The following MED12L variants were observed in gnomAD, a reference collection of about 807,000 sequenced individuals.
The protein encoded by MED12L is mediator complex subunit 12L, also known as mediator of RNA polymerase II transcription subunit 12-like protein.
A neutral mutation model predicts 281.3 loss-of-function variants in MED12L; 60 were observed. The ratio of observed to expected loss-of-function variants is 0.21; its 90% CI spans 0.17 to 0.26. MED12L has a LOEUF of 0.26. MED12L is among the 10% of genes least tolerant of loss of function. The probability of loss-of-function intolerance (pLI) is 1.00; values close to 1 mark genes in which losing one functional copy is unlikely to be tolerated. For missense variants in MED12L, 2,146 were observed against 2,680.9 expected (o/e 0.80, Z 4.41); for synonymous variants, 974 against 987.2 (o/e 0.99, Z 0.25).
intron 16 of MED12L, chr3:151,199,245 A>C: frequency 6.2e-7 from 1 of 1,614,028 alleles, no homozygotes; most frequent in Non-Finnish European, 8.5e-7. Flanking sequence ...ATGCTCACAC[A>C]CCTGTGATTC....
chr3:151,351,681 AG>A (rs1313766031), intron 17 of MED12L, among the ~76,000 whole-genome samples: 1 of 152,188 alleles, frequency 6.6e-6, no homozygotes. Flanking sequence ...GCAATGGGGT[AG>A]GGGGGAGTCA....
chr3:151,346,482 T>G (rs1421855567), intron 16 of MED12L, among the ~76,000 whole-genome samples: 1 of 152,198 alleles, frequency 6.6e-6, no homozygotes, highest in Non-Finnish European at 1.5e-5. Flanking sequence ...TTCTTAGCTT[T>G]GTGCCCTGCC....
At chr3:151,403,938 CA>C (rs1477532403) in intron 39 of MED12L, among the ~76,000 whole-genome samples, 2 of 151,984 alleles carry the variant, frequency 1.3e-5, no homozygotes, top group Non-Finnish European at 2.9e-5. Context: ...TTATGGTATT[CA>C]GGGGGCAGGT....
At chr3:151,342,747 T>A (rs1023682470) in intron 16 of MED12L, among the ~76,000 whole-genome samples, 1 of 152,236 alleles carries the variant, frequency 6.6e-6, no homozygotes, top group Non-Finnish European at 1.5e-5. Context: ...TTGTTATTTT[T>A]AAATATGACT....
At chr3:151,299,472 C>T (rs1384203365) in intron 16 of MED12L, among the ~76,000 whole-genome samples, 1 of 137,844 alleles carries the variant, frequency 7.3e-6, no homozygotes, top group Non-Finnish European at 1.5e-5. Context: ...CTCTCTCCCT[C>T]TCTTCCTTTC....
chr3:151,202,562 C>T (rs970359769), intron 16 of MED12L, among the ~76,000 whole-genome samples: 6 of 151,954 alleles, frequency 3.9e-5, no homozygotes, highest in Admixed American at 2.0e-4. Context: ...CCCAGCTACT[C>T]GGGAGGCTGA....
Position 151,372,734 on chromosome 3 carries a change from G to A in MED12L, c.3832G>A (p.Ala1278Thr). The A allele has an allele frequency of 6.2e-7, 1 of 1,613,708 alleles. No individual in the cohort carries two copies. The highest frequency in any genetic ancestry group is 8.5e-7 in the Non-Finnish European group (1 of 1,179,712). The change falls in exon 27 of 45, where the codon GCT becomes ACT. Residue 1278 changes from alanine to threonine, a missense_variant. By Grantham distance (58) the Ala-to-Thr change is moderately conservative. This residue lies in a region of MED12L where 235 missense variants were observed against 260.3 expected (regional missense o/e 0.90). Coordinates refer to ENST00000687756, the MANE Select transcript of MED12L (RefSeq NM_001393769.1). Reference protein sequence around the residue: ...SIETANLREYARYVLRTICQQ... With the variant: ...SIETANLREYTRYVLRTICQQ... Reference sequence around the variant, plus strand: ...AGAAACTGCCAATTTAAGAGAATACGCTAGATATGTACTGAGGACTATCTG... The same window carrying A: ...AGAAACTGCCAATTTAAGAGAATACACTAGATATGTACTGAGGACTATCTG...
rs1712008561 is a variant in MED12L at position 151,380,241 on chromosome 3, T to C, written c.4590+17T>C. On this transcript the variant is annotated intron_variant, in intron 32 of 44. Coordinates refer to ENST00000687756, the MANE Select transcript of MED12L (RefSeq NM_001393769.1). ...GTTAACCAGGTAAAGTATAGTATAA[T>C]ATTAAGACAGGCAAATATCTTTCTA... 2 of 1,461,700 alleles carry C rather than the reference T, an allele frequency of 1.4e-6. No homozygotes were observed. Among genetic ancestry groups the C allele is most frequent in the South Asian group, 2.4e-5 (2 of 82,514 alleles). 90.5% of individuals were successfully genotyped at this position (1,461,700 alleles called of 1,614,324 possible).
chr3:151,295,222 A>G, intron 16 of MED12L: 1 of 1,587,576 alleles, frequency 6.3e-7, no homozygotes, highest in African/African-American at 1.3e-5. Context: ...CTGTAGGAGA[A>G]GTGGGGAGAT....
intron 42 of MED12L, among the ~76,000 whole-genome samples, chr3:151,415,686 A>C (rs184920719): frequency 2.2e-4 from 33 of 152,242 alleles, no homozygotes; most frequent in Admixed American, 7.8e-4. Context: ...ACAACTATTA[A>C]TATTTTTCTC....
intron 39 of MED12L, among the ~76,000 whole-genome samples, chr3:151,398,018 C>G (rs1372986976): frequency 6.6e-6 from 1 of 152,178 alleles, no homozygotes; most frequent in East Asian, 1.9e-4. Flanking sequence ...TGAGGTCAGA[C>G]ACTGGGCTGT....
chr3:151,263,667 C>A (rs1397966488), intron 16 of MED12L, among the ~76,000 whole-genome samples: 1 of 152,072 alleles, frequency 6.6e-6, no homozygotes, highest in East Asian at 1.9e-4. Context: ...ATTAATTTAA[C>A]ATGTTCAGTG....
At chr3:151,214,483 T>A (rs1727801951) in intron 16 of MED12L, 3 of 561,070 alleles carry the variant, frequency 5.3e-6, no homozygotes, top group Non-Finnish European at 9.4e-6. Flanking sequence ...AGTTAGACAC[T>A]CATCCCTCCC....
At chr3:151,232,123 T>C (rs1731805336) in intron 16 of MED12L, among the ~76,000 whole-genome samples, 1 of 152,194 alleles carries the variant, frequency 6.6e-6, no homozygotes, top group Non-Finnish European at 1.5e-5. Context: ...CTTCTTACTT[T>C]CCTGTGGGGT....
At chr3:151,241,502 T>C (rs1734069357) in intron 16 of MED12L, among the ~76,000 whole-genome samples, 1 of 152,162 alleles carries the variant, frequency 6.6e-6, no homozygotes. Context: ...TCTTCCCCTA[T>C]AATGGATGGG....
At chr3:151,258,403 ATTTTC>A (rs1214643789) in intron 16 of MED12L, among the ~76,000 whole-genome samples, 12 of 152,192 alleles carry the variant, frequency 7.9e-5, no homozygotes, top group African/African-American at 2.9e-4. Context: ...ATTTTCTGTT[ATTTTC>A]TTGAAGAATA....
rs34482366 is a variant in MED12L at position 151,126,048 on chromosome 3, C to CTTT, written c.397-1761_397-1759dup. Among the ~76,000 whole-genome samples the CTTT allele has an allele frequency of 2.3e-5, 3 of 130,772 alleles. No homozygotes were observed. The Admixed American group carries it at 2.3e-4, about 10-fold the overall frequency. The allele number at this position is 130,772 out of a possible 152,430, so 85.8% of individuals were successfully genotyped here. On this transcript the variant is annotated intron_variant, in intron 4 of 44. Transcript: ENST00000687756. ...TATGTATGTGGATATACTGCATCCT[C>CTTT]TTTTTTTTTTTTTTTTTTGAGACAT... is the stretch of plus-strand genomic sequence containing the variant.
intron 16 of MED12L, among the ~76,000 whole-genome samples, chr3:151,261,988 G>A (rs1882017): frequency 0.47 from 72,028 of 151,962 alleles, 17,195 homozygotes; most frequent in Middle Eastern, 0.65. Flanking sequence ...CGGCCTCCCA[G>A]TGTGCTAAGA....
chr3:151,274,485 C>G (rs1260060273), intron 16 of MED12L, among the ~76,000 whole-genome samples: 1 of 152,078 alleles, frequency 6.6e-6, no homozygotes, highest in African/African-American at 2.4e-5. Context: ...CATAGGTAGG[C>G]AGTTTTGGGG....
Sources: allele counts gnomAD v4.1 joint callset (sites outside exome capture counted in the v4.1 genomes callset), GRCh38; gene constraint gnomAD v4.1.1; regional missense constraint gnomAD v4.1.1; transcripts MANE v1.5; gene names NCBI Gene and HGNC (gene_info 2026-07-23, HGNC 2026-07-21).